SLC30A6: variants seen among roughly 807,000 people sequenced by gnomAD.
The protein encoded by SLC30A6 is zinc transporter 6.
Under a neutral mutation model 63.0 loss-of-function variants are expected in SLC30A6, and 55 were observed. That is an observed-to-expected ratio of 0.87 (90% confidence interval 0.70 to 1.09). The LOEUF (loss-of-function observed/expected upper bound fraction) is 1.09. SLC30A6 is among the 50% of genes least tolerant of loss of function. The pLI, the probability that SLC30A6 is intolerant of heterozygous loss-of-function variation, is 0.00. For synonymous variants in SLC30A6, 224 were observed against 186.1 expected, an observed-to-expected ratio of 1.20 and a Z score of -1.66; for missense variants, 587 against 549.2, an observed-to-expected ratio of 1.07 and a Z score of -0.69.
chr2:32,196,877 A>G (rs1364277485), intron 8 of SLC30A6, among the ~76,000 whole-genome samples: 1 of 152,176 alleles, frequency 6.6e-6, no homozygotes, highest in Non-Finnish European at 1.5e-5. Flanking sequence ...CCTGACCAAC[A>G]TGGTGAAACC....
intron 5 of SLC30A6, among the ~76,000 whole-genome samples, chr2:32,186,459 G>A (rs1682822697): frequency 6.6e-6 from 1 of 152,230 alleles, no homozygotes; most frequent in South Asian, 2.1e-4. Context: ...GCCAAGGTGG[G>A]TGGATCACCT....
chr2:32,218,239 G>A (rs1435762596), intron 13 of SLC30A6, among the ~76,000 whole-genome samples: 1 of 151,948 alleles, frequency 6.6e-6, no homozygotes, highest in African/African-American at 2.4e-5. Context: ...TGGGCAACAC[G>A]GTGAGACCTC....
chr2:32,200,049 A>T (rs1046035552), intron 10 of SLC30A6, among the ~76,000 whole-genome samples: 4 of 151,896 alleles, frequency 2.6e-5, no homozygotes, highest in African/African-American at 9.7e-5. Context: ...CAGGAAGTGG[A>T]GGAGGTTATA....
intron 1 of SLC30A6, among the ~76,000 whole-genome samples, chr2:32,166,273 G>C (rs1426731606): frequency 6.6e-6 from 1 of 151,414 alleles, no homozygotes; most frequent in African/African-American, 2.4e-5. Context: ...CTGTAATAGT[G>C]ATTCTTAGAG....
intron 11 of SLC30A6, among the ~76,000 whole-genome samples, chr2:32,206,416 A>C (rs1684779174): frequency 6.7e-6 from 1 of 148,942 alleles, no homozygotes; most frequent in South Asian, 2.2e-4. Context: ...ACTGCATTCC[A>C]GCCTGGGCGA....
In SLC30A6 at chr2:32,219,547, G is replaced by A. The variant is rs79269904; in HGVS notation, c.886-666G>A. Among the ~76,000 whole-genome samples, 64 of 152,096 alleles carry A rather than the reference G, an allele frequency of 4.2e-4. No individual in the cohort carries two copies. The East Asian group carries it at 0.01, about 25-fold the overall frequency. On this transcript the variant is annotated intron_variant, in intron 13 of 13. Coordinates refer to ENST00000282587, the MANE Select transcript of SLC30A6 (RefSeq NM_017964.5). ...CCTCCTGGGTTCAAGCTGTTCTCCTGCCTCGGTCTGCCAAGTAGCTGGGAT... is the reference window on the plus strand; with the variant it reads ...CCTCCTGGGTTCAAGCTGTTCTCCTACCTCGGTCTGCCAAGTAGCTGGGAT...
rs575637519 is a variant in SLC30A6, at chr2:32,208,654, G to A, written c.817-839G>A. Among the ~76,000 whole-genome samples the A allele has an allele frequency of 3.6e-5, 5 of 140,282 alleles. No homozygotes were observed. In the South Asian group the frequency reaches 6.8e-4, roughly 19 times the overall value. 92.0% of individuals were successfully genotyped at this position (140,282 alleles called of 152,430 possible). ...GCCACCCAGTCTGGAGTGCAGTGCCGTGTTCTCTGCTTCCCACCGGCTAAT... is the reference window on the plus strand; with the variant it reads ...GCCACCCAGTCTGGAGTGCAGTGCCATGTTCTCTGCTTCCCACCGGCTAAT... On this transcript the variant is annotated intron_variant, in intron 12 of 13. Coordinates refer to ENST00000282587, the MANE Select transcript of SLC30A6 (RefSeq NM_017964.5).
At chr2:32,195,032 G>A (rs1003499027) in intron 8 of SLC30A6, among the ~76,000 whole-genome samples, 1 of 149,640 alleles carries the variant, frequency 6.7e-6, no homozygotes, top group African/African-American at 2.5e-5. Flanking sequence ...CCACTTTTTT[G>A]TATGCACACG....
At chr2:32,165,935 T>G in intron 1 of SLC30A6, 32 bp downstream of exon 1, 1 of 1,614,162 alleles carries the variant, frequency 6.2e-7, no homozygotes, top group Non-Finnish European at 8.5e-7. Context: ...GGGTTTCGGC[T>G]GTAGCTGATT....
At chr2:32,203,096 A>C (rs1192636779) in intron 10 of SLC30A6, 17 of 1,307,940 alleles carry the variant, frequency 1.3e-5, no homozygotes. Flanking sequence ...TTACACTAAA[A>C]GACTTCAGAG....
intron 5 of SLC30A6, among the ~76,000 whole-genome samples, chr2:32,190,441 A>G (rs1212262058): frequency 6.6e-6 from 1 of 150,582 alleles, no homozygotes; most frequent in Non-Finnish European, 1.5e-5. Flanking sequence ...CCTGGGCGAC[A>G]GAGTGAGACT....
chr2:32,172,128 TA>T (rs2148800285), intron 2 of SLC30A6, among the ~76,000 whole-genome samples: 1 of 152,356 alleles, frequency 6.6e-6, no homozygotes, highest in East Asian at 1.9e-4. Context: ...CATTGTTGTC[TA>T]AATGATAAAC....
intron 13 of SLC30A6, 42 bp from the exon 14 acceptor site, chr2:32,220,171 T>C: frequency 6.4e-7 from 1 of 1,560,790 alleles, no homozygotes; most frequent in Non-Finnish European, 8.7e-7. Flanking sequence ...TTTGTTAGTA[T>C]AATTCTAAGC....
chr2:32,208,011 T>C (rs1684929498), intron 12 of SLC30A6, among the ~76,000 whole-genome samples: 1 of 151,888 alleles, frequency 6.6e-6, no homozygotes, highest in African/African-American at 2.4e-5. Context: ...CTTTTGTATT[T>C]TTAGTAGAGA....
chr2:32,206,839 C>CTTTTTT, intron 11 of SLC30A6, 47 bp from the exon 12 acceptor site: 1 of 1,527,380 alleles, frequency 6.5e-7, no homozygotes, highest in South Asian at 1.1e-5. Flanking sequence ...TGTTGGCAAA[C>CTTTTTT]TTTTTTCCTT....
At chr2:32,217,841 ATTC>A (rs1243866818) in intron 13 of SLC30A6, among the ~76,000 whole-genome samples, 1 of 147,696 alleles carries the variant, frequency 6.8e-6, no homozygotes, top group African/African-American at 2.5e-5. Flanking sequence ...ATGGGATTGA[ATTC>A]TTTTTTTTTT....
intron 5 of SLC30A6, among the ~76,000 whole-genome samples, chr2:32,189,281 C>CTTT (rs61221362): frequency 9.6e-5 from 11 of 114,870 alleles, no homozygotes; most frequent in Non-Finnish European, 1.2e-4. Context: ...TTGATACTGT[C>CTTT]TTTTTTTTTT....
chr2:32,197,778 T>A lies in SLC30A6; in HGVS notation c.617T>A (p.Leu206His), dbSNP rs1470068955. The change falls in exon 10 of 14, where the codon CTT (leucine) becomes CAT (histidine). Residue 206 changes from leucine to histidine, a missense_variant. By Grantham distance (99) the Leu-to-His change is moderately conservative (BLOSUM62 -3). Transcript: ENST00000282587. ...PRMNPFVLID[L>H]AGAFALCITY... ...ATGAATCCATTTGTTTTGATTGATC[T>A]TGCTGGAGCATTTGCTCTTTGTATT... 2 of 1,614,030 alleles carry A rather than the reference T, an allele frequency of 1.2e-6. No individual in the cohort carries two copies. Among genetic ancestry groups the A allele is most frequent in the Non-Finnish European group, 8.5e-7 (1 of 1,180,004 alleles).
At chr2:32,175,030 G>A (rs1681602426) in intron 3 of SLC30A6, among the ~76,000 whole-genome samples, 2 of 152,006 alleles carry the variant, frequency 1.3e-5, no homozygotes, top group Admixed American at 1.3e-4. Context: ...ATTTGAAATA[G>A]CGCTGAGATT....
Sources: gnomAD v4.1 joint callset for allele counts (sites outside exome capture counted in the v4.1 genomes callset) on GRCh38, gnomAD v4.1.1 for gene constraint, MANE v1.5 for transcripts, NCBI Gene and HGNC (gene_info 2026-07-23, HGNC 2026-07-21) for gene names.